ALPK1: variants seen among roughly 807,000 people sequenced by gnomAD.
The protein encoded by ALPK1 is alpha kinase 1.
Under a neutral mutation model 120.6 loss-of-function variants are expected in ALPK1, and 110 were observed. That is an observed-to-expected ratio of 0.91 (90% CI 0.78 to 1.07). The LOEUF (loss-of-function observed/expected upper bound fraction) is 1.07. Ranked by LOEUF, ALPK1 falls within the 50% of genes least tolerant of loss-of-function variation. The probability of loss-of-function intolerance (pLI) is 0.00; values close to 1 mark genes in which losing one functional copy is unlikely to be tolerated. For synonymous variants in ALPK1, 582 were observed against 560.3 expected, an observed-to-expected ratio of 1.04 and a Z score of -0.55; for missense variants, 1,498 against 1,483.9, an observed-to-expected ratio of 1.01 and a Z score of -0.16.
chr4:112,313,915 A>G (rs1433807618), intron 1 of ALPK1, among the ~76,000 whole-genome samples: 1 of 152,182 alleles, frequency 6.6e-6, no homozygotes, highest in Non-Finnish European at 1.5e-5. Context: ...GCTAAAAAAG[A>G]CAATAACTAC....
At chr4:112,338,567 T>C (rs1039337981) in intron 2 of ALPK1, among the ~76,000 whole-genome samples, 1 of 152,122 alleles carries the variant, frequency 6.6e-6, no homozygotes, top group Non-Finnish European at 1.5e-5. Context: ...ACAGAAAAGA[T>C]GCTTAATAAG....
chr4:112,408,077 A>G (rs1176598557), intron 4 of ALPK1, among the ~76,000 whole-genome samples: 1 of 151,836 alleles, frequency 6.6e-6, no homozygotes, highest in East Asian at 1.9e-4. Flanking sequence ...ACTGCACTCC[A>G]GCTTGGGTGA....
intron 11 of ALPK1, among the ~76,000 whole-genome samples, chr4:112,433,911 G>A (rs1267553915): frequency 1.3e-5 from 2 of 152,056 alleles, no homozygotes; most frequent in Non-Finnish European, 2.9e-5. Context: ...CGGACCCAGG[G>A]ATCATTATTT....
intron 1 of ALPK1, among the ~76,000 whole-genome samples, chr4:112,300,256 A>G (rs755968689): frequency 6.6e-6 from 1 of 152,212 alleles, no homozygotes; most frequent in South Asian, 2.1e-4. Context: ...ATAAAATGGT[A>G]TAGATATAAA....
intron 10 of ALPK1, 117 bp downstream of exon 10, chr4:112,429,370 G>A: frequency 1.3e-6 from 1 of 798,738 alleles, no homozygotes; most frequent in Non-Finnish European, 2.0e-6. Flanking sequence ...TCTCATCAGT[G>A]GCAATTGTGA....
rs1190451372 is a variant in ALPK1 at position 112,431,596 on chromosome 4, C to A, written c.2049C>A (p.Phe683Leu). 1.2e-6 allele frequency: 2 copies of A among 1,614,218 alleles called. No individual in the cohort carries two copies. The highest frequency in any genetic ancestry group is 1.7e-6 in the Non-Finnish European group (2 of 1,180,030). Residue 683 changes from phenylalanine (F) to leucine (L), a missense_variant, in exon 11 of 16, where the codon TTC (phenylalanine) becomes TTA (leucine). Coordinates refer to ENST00000650871, the MANE Select transcript of ALPK1 (RefSeq NM_025144.4). ...CGCCTCATAATACCCCAGGCATTTT[C>A]TTGGCCCCTGGTGCAGGGCTTCTAG... ...PFSPHNTPGI[F>L]LAPGAGLLEG...
intron 1 of ALPK1, among the ~76,000 whole-genome samples, chr4:112,311,110 C>A (rs190449303): frequency 1.4e-4 from 22 of 152,280 alleles, no homozygotes; most frequent in Non-Finnish European, 3.1e-4. Flanking sequence ...AAAGCGCTCA[C>A]TTGGAAGCAG....
At chr4:112,372,253 G>C (rs528315852) in intron 2 of ALPK1, among the ~76,000 whole-genome samples, 1 of 144,264 alleles carries the variant, frequency 6.9e-6, no homozygotes, top group Non-Finnish European at 1.5e-5. Context: ...TTGCTCTGTC[G>C]CTCAGGCTGG....
chr4:112,305,501 T>C (rs1728003226), intron 1 of ALPK1, among the ~76,000 whole-genome samples: 1 of 152,108 alleles, frequency 6.6e-6, no homozygotes, highest in Non-Finnish European at 1.5e-5. Context: ...TATTTTATTC[T>C]CTTTGAAGCA....
intron 2 of ALPK1, chr4:112,356,901 C>T (rs2074378): frequency 0.37 from 277,734 of 749,356 alleles, 54,213 homozygotes; most frequent in East Asian, 0.59. Flanking sequence ...GTGAAGAAGA[C>T]GTGTGAAGGA....
intron 4 of ALPK1, among the ~76,000 whole-genome samples, chr4:112,387,963 T>C (rs1289917677): frequency 6.6e-6 from 1 of 152,176 alleles, no homozygotes; most frequent in Non-Finnish European, 1.5e-5. Flanking sequence ...CCCAGTGTGT[T>C]GTTCCCTTCT....
chr4:112,311,734 C>A (rs1263357835), intron 1 of ALPK1, among the ~76,000 whole-genome samples: 1 of 152,182 alleles, frequency 6.6e-6, no homozygotes, highest in Non-Finnish European at 1.5e-5. Context: ...CTGCCCAATA[C>A]CAAGATAGCA....
intron 4 of ALPK1, among the ~76,000 whole-genome samples, chr4:112,409,790 G>A (rs968186777): frequency 2.6e-5 from 4 of 152,112 alleles, no homozygotes; most frequent in African/African-American, 7.2e-5. Flanking sequence ...GGCCGAGGAC[G>A]CTACGGTCAT....
chr4:112,367,723 C>A (rs1165259078), intron 2 of ALPK1, among the ~76,000 whole-genome samples: 1 of 152,176 alleles, frequency 6.6e-6, no homozygotes, highest in African/African-American at 2.4e-5. Context: ...TACTGCTGCT[C>A]CCTCTTCTTC....
chr4:112,426,409 G>C, intron 7 of ALPK1, 58 bp from the exon 8 acceptor site: 3 of 1,333,086 alleles, frequency 2.3e-6, no homozygotes, highest in Non-Finnish European at 3.2e-6. Flanking sequence ...CTATACAAGA[G>C]CACAGATACT....
At chr4:112,437,604 G>A (rs1219822655) in intron 12 of ALPK1, among the ~76,000 whole-genome samples, 1 of 152,202 alleles carries the variant, frequency 6.6e-6, no homozygotes, top group Non-Finnish European at 1.5e-5. Flanking sequence ...CACTGGTATG[G>A]CATCCCTATT....
intron 1 of ALPK1, among the ~76,000 whole-genome samples, chr4:112,313,106 T>C (rs576901963): frequency 1.3e-5 from 2 of 152,340 alleles, no homozygotes; most frequent in African/African-American, 4.8e-5. Context: ...GTTGAAAATA[T>C]GCATCTGAAG....
chr4:112,430,356 C>A (rs1734481475), intron 10 of ALPK1, 92 bp from the exon 11 acceptor site: 8 of 1,214,270 alleles, frequency 6.6e-6, no homozygotes, highest in Admixed American at 4.7e-5. Context: ...TATAATATTT[C>A]AAATGACTGT....
chr4:112,383,714 A>G (rs1174867404), intron 4 of ALPK1: 1 of 152,230 alleles, frequency 6.6e-6, no homozygotes, highest in Non-Finnish European at 1.5e-5. Flanking sequence ...AAGTGCTTGT[A>G]ACACTTTACA....
Sources: allele counts gnomAD v4.1 joint callset (sites outside exome capture counted in the v4.1 genomes callset), GRCh38; gene constraint gnomAD v4.1.1; transcripts MANE v1.5; gene names NCBI Gene and HGNC (gene_info 2026-07-23, HGNC 2026-07-21).